PCDH17: variants seen among roughly 807,000 people sequenced by gnomAD.
PCDH17 encodes protocadherin 17, also known as protocadherin-17.
PCDH17 carries 21 observed loss-of-function variants against 67.7 expected under a neutral mutation model. That is an observed-to-expected ratio of 0.31 (90% CI 0.22 to 0.45). The LOEUF (loss-of-function observed/expected upper bound fraction) is 0.45, where lower values mean the gene tolerates loss of function less well. PCDH17 is among the 20% of genes least tolerant of loss of function. The probability of loss-of-function intolerance (pLI) is 1.00; values close to 1 mark genes in which losing one functional copy is unlikely to be tolerated. For synonymous variants in PCDH17, 701 were observed against 656.7 expected, an observed-to-expected ratio of 1.07 and a Z score of -1.03; for missense variants, 1,471 against 1,564.8, an observed-to-expected ratio of 0.94 and a Z score of 1.01.
chr13:57,724,362 A>G (rs1440617672), intron 3 of PCDH17, among the ~76,000 whole-genome samples: 1 of 152,200 alleles, frequency 6.6e-6, no homozygotes, highest in African/African-American at 2.4e-5. Context: ...TGATTCTCCA[A>G]TGGCCACATC....
At position 57,724,854 on chromosome 13, in the gene PCDH17, A is replaced by G. The variant is rs1405360152; in HGVS notation, c.3040A>G (p.Asn1014Asp). The G allele has an allele frequency of 3.7e-6, 6 of 1,614,084 alleles. No homozygotes were observed. In the Admixed American group the frequency reaches 8.3e-5, roughly 22 times the overall value. ...GCGAGAGCACACTATTCTCATTGCC[A>G]ACGTTAAACCTTATTTAAAAGCCAA... ...DKREHTILIANVKPYLKAKRA... is the reference protein window; with the variant it reads ...DKREHTILIADVKPYLKAKRA... Residue 1014 changes from asparagine to aspartate, a missense_variant, in exon 4 of 4, where the codon AAC becomes GAC. This residue lies in a region of PCDH17 where 297 missense variants were observed against 298.6 expected (regional missense o/e 0.99). Transcript: ENST00000377918.
At chr13:57,683,901 A>T (rs1420846070) in intron 3 of PCDH17, among the ~76,000 whole-genome samples, 1 of 151,984 alleles carries the variant, frequency 6.6e-6, no homozygotes, top group Non-Finnish European at 1.5e-5. Context: ...GAAAATAATG[A>T]TAGAAATGAA....
chr13:57,652,533 A>G (rs936342356), intron 1 of PCDH17, among the ~76,000 whole-genome samples: 1 of 152,298 alleles, frequency 6.6e-6, no homozygotes, highest in Non-Finnish European at 1.5e-5. Flanking sequence ...TAAGTCTTCT[A>G]TATAAATTGT....
At chr13:57,656,079 GA>G (rs34381315) in intron 1 of PCDH17, among the ~76,000 whole-genome samples, 9,885 of 151,552 alleles carry the variant, frequency 0.065, 443 homozygotes, top group East Asian at 0.25. Flanking sequence ...TTCTTTGTTT[GA>G]AAAAAAATGT....
intron 3 of PCDH17, among the ~76,000 whole-genome samples, chr13:57,674,307 A>C (rs1048089594): frequency 1.3e-5 from 2 of 151,776 alleles, no homozygotes; most frequent in Admixed American, 6.6e-5. Flanking sequence ...TAATGACAAT[A>C]TTTTGTTTTA....
At chr13:57,639,625 G>T (rs910134934) in intron 1 of PCDH17, among the ~76,000 whole-genome samples, 1 of 151,828 alleles carries the variant, frequency 6.6e-6, no homozygotes, top group Non-Finnish European at 1.5e-5. Flanking sequence ...TACCATTCTT[G>T]TATTGAGATT....
chr13:57,679,289 A>C (rs1260403074), intron 3 of PCDH17, among the ~76,000 whole-genome samples: 1 of 151,384 alleles, frequency 6.6e-6, no homozygotes, highest in Non-Finnish European at 1.5e-5. Context: ...GACTACGAAG[A>C]CACATTATTT....
intron 3 of PCDH17, among the ~76,000 whole-genome samples, chr13:57,701,891 G>A (rs1325420851): frequency 6.6e-6 from 1 of 151,946 alleles, no homozygotes; most frequent in Admixed American, 6.6e-5. Flanking sequence ...GTTTTTAAGT[G>A]TATTAAAAAC....
At chr13:57,717,960 C>T (rs1359472792) in intron 3 of PCDH17, among the ~76,000 whole-genome samples, 1 of 151,950 alleles carries the variant, frequency 6.6e-6, no homozygotes, top group Non-Finnish European at 1.5e-5. Flanking sequence ...CATTATATCA[C>T]TGCCAACATG....
intron 1 of PCDH17, among the ~76,000 whole-genome samples, chr13:57,652,312 C>G (rs550657707): frequency 6.8e-6 from 1 of 147,400 alleles, no homozygotes; most frequent in East Asian, 2.0e-4. Flanking sequence ...AGAACACTTA[C>G]GACTATAAAA....
intron 3 of PCDH17, among the ~76,000 whole-genome samples, chr13:57,720,176 T>C (rs575914924): frequency 6.6e-6 from 1 of 152,156 alleles, no homozygotes; most frequent in East Asian, 1.9e-4. Flanking sequence ...ATCCTTAAGA[T>C]TAAGCTATTA....
intron 3 of PCDH17, among the ~76,000 whole-genome samples, chr13:57,667,980 G>A (rs1955276007): frequency 6.6e-6 from 1 of 150,510 alleles, no homozygotes; most frequent in South Asian, 2.1e-4. Context: ...TTTATTTTAA[G>A]GTTGACCTCA....
intron 3 of PCDH17, among the ~76,000 whole-genome samples, chr13:57,724,307 A>G (rs1316811380): frequency 1.3e-5 from 2 of 152,172 alleles, no homozygotes; most frequent in Non-Finnish European, 2.9e-5. Context: ...ACTAACTGAT[A>G]TTCCCAGGAG....
At chr13:57,699,779 T>C (rs61961910) in intron 3 of PCDH17, among the ~76,000 whole-genome samples, 9,623 of 152,120 alleles carry the variant, frequency 0.063, 337 homozygotes, top group Middle Eastern at 0.099. Context: ...CGAAGGAATC[T>C]TCAGTCAATA....
At chr13:57,674,354 T>C (rs527291921) in intron 3 of PCDH17, among the ~76,000 whole-genome samples, 2 of 152,082 alleles carry the variant, frequency 1.3e-5, no homozygotes, top group South Asian at 4.1e-4. Flanking sequence ...AGAGACAGGG[T>C]CTCGTTCTGT....
rs981040477 is a variant in PCDH17, at chr13:57,695,080, T to A, written c.2797+28247T>A. Among the ~76,000 whole-genome samples, 14 of 151,266 alleles carry A rather than the reference T, an allele frequency of 9.3e-5. 1 individual carries two copies. Among genetic ancestry groups the A allele is most frequent in the Admixed American group, 8.6e-4 (13 of 15,128 alleles). On this transcript the variant is annotated intron_variant, in intron 3 of 3. Transcript: ENST00000377918. The stretch of plus-strand genomic sequence containing the variant: ...TGTAAGTCTCATTTATCCAGTTGAA[T>A]TGAATTTTTAGAAAAGTCTCCTACT...
chr13:57,635,419 G>A (rs1368085367), intron 1 of PCDH17, among the ~76,000 whole-genome samples: 1 of 151,492 alleles, frequency 6.6e-6, no homozygotes, highest in African/African-American at 2.4e-5. Flanking sequence ...TTATTTGTTG[G>A]TTTACATTTC....
intron 1 of PCDH17, 63 bp downstream of exon 1, chr13:57,635,174 C>A: frequency 6.4e-7 from 1 of 1,556,678 alleles, no homozygotes; most frequent in Non-Finnish European, 8.7e-7. Context: ...TGTCCTGAAA[C>A]CTTTGGAACA....
Position 57,633,638 on chromosome 13 carries a change from C to T in PCDH17, c.1092C>T (p.Ala364=), listed in dbSNP as rs1361518105. 1.9e-6 allele frequency: 3 copies of T among 1,609,038 alleles called. No individual in the cohort carries two copies. The highest frequency in any genetic ancestry group is 2.5e-6 in the Non-Finnish European group (3 of 1,180,004). Residue 364 remains alanine (A), a synonymous_variant, in exon 1 of 4, where the codon GCC becomes GCT. Coordinates refer to ENST00000377918, the MANE Select transcript of PCDH17 (RefSeq NM_001040429.3). This position sits in a 1 kb window ranked among gnomAD's most constrained non-coding sequence, Gnocchi z 6.2. ...TGCGCCAGGGGGCGCTGAGCGAGGC[C>T]GCCCCTCCCGGCACCGTCATCGCCC... ...VSVRQGALSE[A]APPGTVIALV...
Sources: allele counts gnomAD v4.1 joint callset (sites outside exome capture counted in the v4.1 genomes callset), GRCh38; gene constraint gnomAD v4.1.1; regional missense constraint gnomAD v4.1.1; non-coding constraint Gnocchi (gnomAD v3.1); transcripts MANE v1.5; gene names NCBI Gene and HGNC (gene_info 2026-07-23, HGNC 2026-07-21).